Variants in EXD3 observed in about 807,000 individuals in gnomAD.
EXD3 encodes exonuclease mut-7 homolog.
A neutral mutation model predicts 98.0 loss-of-function variants in EXD3; 92 were observed. The observed-to-expected ratio is 0.94, with a 90% CI of 0.79 to 1.12. The LOEUF (loss-of-function observed/expected upper bound fraction) is 1.12, where lower values mean the gene tolerates loss of function less well. Among genes scored for constraint, EXD3 ranks in the 50% most tolerant of loss-of-function variants. EXD3 has a pLI of 0.00. For missense variants in EXD3, 1,222 were observed against 1,191.6 expected, an observed-to-expected ratio of 1.03 and a Z score of -0.38; for synonymous variants, 569 against 526.0, an observed-to-expected ratio of 1.08 and a Z score of -1.12.
At chr9:137,307,481 G>C (rs1033807239) in intron 21 of EXD3, 127 bp downstream of exon 21, 5 of 1,343,240 alleles carry the variant, frequency 3.7e-6, no homozygotes, top group Non-Finnish European at 5.0e-6. Context: ...GCAGGCCCTA[G>C]GGCCTACAGG....
chr9:137,355,592 GGGCGGAAGGAGA>G (rs1834671342), intron 8 of EXD3, among the ~76,000 whole-genome samples: 11 of 5,100 alleles, frequency 2.2e-3, no homozygotes, highest in African/African-American at 3.1e-3. Flanking sequence ...GAAGGAGAAA[GGGCGGAAGGAGA>G]AAGGAGGAAG....
At chr9:137,383,275 C>A (rs1193891578) in intron 3 of EXD3, 38 bp downstream of exon 3, 2 of 1,524,612 alleles carry the variant, frequency 1.3e-6, no homozygotes, top group East Asian at 4.9e-5. Context: ...GTTCTGCTGG[C>A]TGTGACTTGG....
At position 137,373,466 on chromosome 9, in the gene EXD3, T is replaced by G. The variant is rs1291048721; in HGVS notation, c.254A>C (p.Gln85Pro). 10 of 1,609,518 alleles carry G rather than the reference T, an allele frequency of 6.2e-6. No homozygotes were observed. The highest frequency in any genetic ancestry group is 8.5e-6 in the Non-Finnish European group (10 of 1,179,096). The stretch of plus-strand genomic sequence containing the variant: ...GCATGGCTGTGCCTGTAGCCAGCAC[T>G]GCAGCTGGTGGGAGATCCAGGCCGC... The part of the protein sequence containing the change: ...SLAAWISHQL[Q>P]CWLQAQPCPS... Residue 85 changes from glutamine to proline, a missense_variant, in exon 4 of 22, where the codon CAG (glutamine) becomes CCG (proline). Gln to Pro is a moderately conservative substitution (Grantham distance 76). Transcript: ENST00000340951.
At chr9:137,399,420 G>T (rs1478715441) in intron 1 of EXD3, among the ~76,000 whole-genome samples, 1 of 152,180 alleles carries the variant, frequency 6.6e-6, no homozygotes, top group African/African-American at 2.4e-5. Flanking sequence ...GAATTACTTT[G>T]TCTTCTCATC....
At chr9:137,348,989 G>T in intron 16 of EXD3, 121 bp downstream of exon 16, 2 of 1,214,350 alleles carry the variant, frequency 1.6e-6, no homozygotes, top group Non-Finnish European at 2.2e-6. Flanking sequence ...CGCTCCAGGA[G>T]CTGGGCCCCC....
intron 1 of EXD3, among the ~76,000 whole-genome samples, chr9:137,402,505 T>C (rs1837523506): frequency 6.6e-6 from 1 of 152,176 alleles, no homozygotes; most frequent in African/African-American, 2.4e-5. Flanking sequence ...TCTCAACAAG[T>C]TCCCCATCTC....
chr9:137,330,654 G>T (rs1007572154), intron 17 of EXD3, among the ~76,000 whole-genome samples: 5 of 152,076 alleles, frequency 3.3e-5, no homozygotes, highest in Non-Finnish European at 7.4e-5. Context: ...AGCTACACAG[G>T]ACTGATGGAC....
chr9:137,389,436 C>T (rs566541420), intron 2 of EXD3, among the ~76,000 whole-genome samples: 1 of 152,326 alleles, frequency 6.6e-6, no homozygotes, highest in South Asian at 2.1e-4. Context: ...CTTGCCTCAT[C>T]CATGAAGCCG....
rs1317211691 is a variant in EXD3, at chr9:137,381,923, CGAG to C, written c.120+1387_120+1389del. On this transcript the variant is annotated intron_variant, in intron 3 of 21. Transcript: ENST00000340951. ...GGAATCCGGGAATGTGATGGAGGCGCGAGGAGGAGGTGAGAGCACGAGGAGGAG... is the reference window on the plus strand; with the variant it reads ...GGAATCCGGGAATGTGATGGAGGCGCGAGGAGGTGAGAGCACGAGGAGGAG... Among the ~76,000 whole-genome samples the C allele has an allele frequency of 2.6e-5, 4 of 151,858 alleles. No homozygotes were observed. The East Asian group carries it at 5.8e-4, about 22-fold the overall frequency.
intron 17 of EXD3, among the ~76,000 whole-genome samples, chr9:137,330,507 G>A (rs898360141): frequency 6.7e-6 from 1 of 148,916 alleles, no homozygotes; most frequent in Non-Finnish European, 1.5e-5. Context: ...GAGCTACACA[G>A]GACTACGCAG....
At chr9:137,392,293 G>A (rs1191343241) in intron 2 of EXD3, 2 of 152,898 alleles carry the variant, frequency 1.3e-5, no homozygotes, top group Non-Finnish European at 2.9e-5. Context: ...AGCGCGGGAG[G>A]GCCTCTCTAG....
chr9:137,330,161 A>T (rs1233507979), intron 17 of EXD3, among the ~76,000 whole-genome samples: 6 of 124,310 alleles, frequency 4.8e-5, no homozygotes, highest in Non-Finnish European at 9.9e-5. Context: ...GCTACACAGG[A>T]CTACACCGGA....
chr9:137,377,867 C>G (rs1322750996), intron 3 of EXD3, among the ~76,000 whole-genome samples: 2 of 133,930 alleles, frequency 1.5e-5, no homozygotes, highest in Admixed American at 1.6e-4. Context: ...GATCTTGGCT[C>G]ACTGCAATCT....
intron 21 of EXD3, 94 bp from the exon 22 acceptor site, chr9:137,307,357 G>GCC: frequency 7.0e-7 from 1 of 1,430,410 alleles, no homozygotes; most frequent in Non-Finnish European, 9.1e-7. Flanking sequence ...CCCACGCTGA[G>GCC]CCCACGCTCA....
At chr9:137,382,075 CGCG>C (rs1564194650) in intron 3 of EXD3, among the ~76,000 whole-genome samples, 87 of 98,086 alleles carry the variant, frequency 8.9e-4, no homozygotes, top group African/African-American at 1.7e-3. Context: ...GGTGAGGGCG[CGCG>C]GTGGAGGTCA....
intron 3 of EXD3, among the ~76,000 whole-genome samples, chr9:137,382,892 C>T (rs116976561): frequency 0.022 from 3,325 of 152,324 alleles, 47 homozygotes; most frequent in Middle Eastern, 0.037. Context: ...CTCTCCCGCC[C>T]AGCCTCCTGC....
intron 7 of EXD3, chr9:137,365,637 GCACA>G (rs1265919030): frequency 6.0e-6 from 1 of 167,216 alleles, no homozygotes; most frequent in African/African-American, 3.0e-5. Context: ...ACACACACGT[GCACA>G]CACATACATG....
chr9:137,373,956 C>T (rs1038181692), intron 3 of EXD3, among the ~76,000 whole-genome samples: 37 of 152,282 alleles, frequency 2.4e-4, no homozygotes, highest in Non-Finnish European at 7.4e-5. Context: ...CCTCAGCAGG[C>T]GAAAGAAACT....
At chr9:137,307,756 G>GTGTGAAGAGGCTGCACCC in intron 20 of EXD3, 110 bp from the exon 21 acceptor site, 1 of 1,239,426 alleles carries the variant, frequency 8.1e-7, no homozygotes, top group Non-Finnish European at 1.1e-6. Flanking sequence ...CTCATGGGGT[G>GTGTGAAGAGGCTGCACCC]CAGCCTCTTC....
Sources: allele counts gnomAD v4.1 joint callset (sites outside exome capture counted in the v4.1 genomes callset), GRCh38; gene constraint gnomAD v4.1.1; transcripts MANE v1.5; gene names NCBI Gene and HGNC (gene_info 2026-07-23, HGNC 2026-07-21).